MFN1: variants seen among roughly 807,000 people sequenced by gnomAD.
MFN1 encodes mitofusin-1.
MFN1 carries 65 observed loss-of-function variants against 92.4 expected under a neutral mutation model. The observed-to-expected ratio is 0.70, with a 90% CI of 0.58 to 0.86. The LOEUF is 0.86. MFN1 is among the 40% of genes least tolerant of loss of function. The pLI is 0.00. For synonymous variants in MFN1, 297 were observed against 300.9 expected (o/e 0.99, Z 0.13); for missense variants, 781 against 868.0 (o/e 0.90, Z 1.26).
rs1714039472 is a variant in MFN1 at position 179,394,781 on chromosome 3, A to T, written c.*2722A>T. ...CAAGCCCATGAATTATACAGGAATTATGTAATTATGAGTGATGTACTTCAA... is the reference window on the plus strand; with the variant it reads ...CAAGCCCATGAATTATACAGGAATTTTGTAATTATGAGTGATGTACTTCAA... On this transcript the variant is annotated 3_prime_UTR_variant, in exon 18 of 18. Coordinates refer to ENST00000471841, the MANE Select transcript of MFN1 (RefSeq NM_033540.3). 1 of 152,238 alleles carries T rather than the reference A, an allele frequency of 6.6e-6. No homozygotes were observed. The highest frequency in any genetic ancestry group is 1.5e-5 in the Non-Finnish European group (1 of 68,048). 9.4% of individuals were successfully genotyped at this position (152,238 alleles called of 1,614,324 possible). A position where few individuals can be genotyped will look rare whatever the true frequency, so the allele number is the denominator to read the frequency against.
chr3:179,388,178 C>T (rs551409390), intron 16 of MFN1, among the ~76,000 whole-genome samples: 5 of 152,212 alleles, frequency 3.3e-5, no homozygotes, highest in South Asian at 2.1e-4. Flanking sequence ...CGTGAGCCAC[C>T]GCGCCCAGCC....
At chr3:179,357,886 A>C (rs1712405022) in intron 3 of MFN1, among the ~76,000 whole-genome samples, 1 of 152,186 alleles carries the variant, frequency 6.6e-6, no homozygotes, top group African/African-American at 2.4e-5. Context: ...GGGGTGGCTC[A>C]ACAACTGATG....
intron 14 of MFN1, among the ~76,000 whole-genome samples, chr3:179,380,141 G>T (rs1417611934): frequency 1.3e-5 from 2 of 152,180 alleles, no homozygotes; most frequent in Non-Finnish European, 2.9e-5. Context: ...AAGGTTTGTG[G>T]TGTTAAAGCA....
intron 17 of MFN1, among the ~76,000 whole-genome samples, chr3:179,391,503 A>G (rs1175889575): frequency 1.3e-5 from 2 of 152,182 alleles, no homozygotes; most frequent in Admixed American, 1.3e-4. Context: ...GTATACTTGT[A>G]TGACCTGAAG....
At chr3:179,367,384 G>T in intron 7 of MFN1, 55 bp from the exon 8 acceptor site, 1 of 1,480,524 alleles carries the variant, frequency 6.8e-7, no homozygotes. Context: ...TATAGTCGTT[G>T]GTTATTATAT....
Position 179,351,986 on chromosome 3 carries a change from A to G in MFN1, c.199A>G (p.Ile67Val). The change falls in exon 3 of 18, where the codon ATT becomes GTT. Residue 67 changes from isoleucine (I) to valine (V), a missense_variant. Ile to Val is a conservative substitution (Grantham distance 29, BLOSUM62 3). Transcript: ENST00000471841. Reference sequence around the variant, plus strand: ...AGGATATAAAGACAAGCTTTCCATCATTGGTGAGGTGCTATCTCGGAGACA... The same window carrying G: ...AGGATATAAAGACAAGCTTTCCATCGTTGGTGAGGTGCTATCTCGGAGACA... ...MQGYKDKLSIIGEVLSRRHMK... is the reference protein window; with the variant it reads ...MQGYKDKLSIVGEVLSRRHMK... The G allele has an allele frequency of 3.1e-6, 5 of 1,609,824 alleles. No homozygotes were observed. Among genetic ancestry groups the G allele is most frequent in the Non-Finnish European group, 4.2e-6 (5 of 1,176,890 alleles).
At chr3:179,359,419 C>CTTT (rs769518082) in intron 4 of MFN1, among the ~76,000 whole-genome samples, 7 of 124,792 alleles carry the variant, frequency 5.6e-5, no homozygotes, top group African/African-American at 9.9e-5. Context: ...TGCACCCGGC[C>CTTT]TTTTTTTTTT....
At chr3:179,354,665 C>A (rs561019746) in intron 3 of MFN1, among the ~76,000 whole-genome samples, 1 of 152,174 alleles carries the variant, frequency 6.6e-6, no homozygotes, top group East Asian at 1.9e-4. Flanking sequence ...CAGATCAGTC[C>A]CGAGAACTGC....
intron 4 of MFN1, chr3:179,360,001 C>T (rs1219936759): frequency 1.3e-5 from 2 of 151,748 alleles, no homozygotes; most frequent in African/African-American, 4.8e-5. Context: ...TAGCAACCTC[C>T]ACCTCCTGGG....
chr3:179,361,271 C>T (rs1712564963), intron 4 of MFN1, among the ~76,000 whole-genome samples: 1 of 152,198 alleles, frequency 6.6e-6, no homozygotes, highest in Non-Finnish European at 1.5e-5. Flanking sequence ...CTCTCATTTT[C>T]CTGATCCATG....
intron 3 of MFN1, among the ~76,000 whole-genome samples, chr3:179,356,636 T>A (rs904481345): frequency 2.6e-5 from 4 of 152,162 alleles, no homozygotes; most frequent in African/African-American, 9.7e-5. Context: ...ATTTCCACAG[T>A]TGTTTTTTTT....
intron 9 of MFN1, among the ~76,000 whole-genome samples, chr3:179,368,884 C>T (rs1271793773): frequency 6.6e-6 from 1 of 152,134 alleles, no homozygotes; most frequent in Non-Finnish European, 1.5e-5. Context: ...TGTAATTATT[C>T]TTATAAGTAG....
intron 14 of MFN1, among the ~76,000 whole-genome samples, chr3:179,385,213 G>A (rs960042628): frequency 1.8e-4 from 17 of 96,496 alleles, no homozygotes; most frequent in African/African-American, 7.3e-4. Context: ...GCGCCCGGCC[G>A]AAGTCCTTTT....
chr3:179,386,276 G>A (rs1713680547), intron 15 of MFN1, among the ~76,000 whole-genome samples, 157 bp from the exon 16 acceptor site: 1 of 152,076 alleles, frequency 6.6e-6, no homozygotes, highest in South Asian at 2.1e-4. Flanking sequence ...AAGCCTGATT[G>A]ATTTCTGGTA....
At position 179,392,259 on chromosome 3, in the gene MFN1, G is replaced by A; in HGVS notation, c.*200G>A. On this transcript the variant is annotated 3_prime_UTR_variant, in exon 18 of 18. Transcript: ENST00000471841. ...GTGTTATGTCCTTAGTTTTAATTTT[G>A]AGTAAAGAAAAGGCTAAAATCATGA... 2.5e-6 allele frequency: 1 copy of A among 396,852 alleles called. No homozygotes were observed. The highest frequency in any genetic ancestry group is 3.8e-5 in the East Asian group (1 of 26,162). 24.6% of individuals were successfully genotyped at this position (396,852 alleles called of 1,614,324 possible). A position where few individuals can be genotyped will look rare whatever the true frequency, so the allele number is the denominator to read the frequency against.
rs142717974 is a variant in MFN1, at chr3:179,393,505, C to CT, written c.*1447dup. 2.1e-3 allele frequency: 315 copies of CT among 152,184 alleles called. 3 individuals carry two copies. The highest frequency in any genetic ancestry group is 7.0e-3 in the African/African-American group (289 of 41,516). 9.4% of individuals were successfully genotyped at this position (152,184 alleles called of 1,614,324 possible). A position where few individuals can be genotyped will look rare whatever the true frequency, so the allele number is the denominator to read the frequency against. ...CAGCCTTTTTACAGCAGGTGCAACT[C>CT]TATTTTTCAAGGTATCTTAGAAGAT... On this transcript the variant is annotated 3_prime_UTR_variant, in exon 18 of 18. Coordinates refer to ENST00000471841, the MANE Select transcript of MFN1 (RefSeq NM_033540.3).
Position 179,372,691 on chromosome 3 carries a change from C to T in MFN1, c.976-2529C>T, listed in dbSNP as rs931753860. On this transcript the variant is annotated intron_variant, in intron 9 of 17. Coordinates refer to ENST00000471841, the MANE Select transcript of MFN1 (RefSeq NM_033540.3). ...GACAGTAACTTATATTGCCTAATAA[C>T]TTTTGGAGATCTTTTCTGTCTCGTC... is the stretch of plus-strand genomic sequence containing the variant. 2.0e-5 allele frequency among the ~76,000 whole-genome samples: 3 copies of T among 152,078 alleles called. No individual in the cohort carries two copies. The East Asian group carries it at 5.8e-4, about 29-fold the overall frequency.
At chr3:179,382,887 T>C (rs1400918839) in intron 14 of MFN1, among the ~76,000 whole-genome samples, 1 of 152,240 alleles carries the variant, frequency 6.6e-6, no homozygotes, top group Non-Finnish European at 1.5e-5. Flanking sequence ...GAAGTGTCTG[T>C]TCATATCCTT....
At chr3:179,367,386 T>A (rs1345470242) in intron 7 of MFN1, 53 bp from the exon 8 acceptor site, 12 of 1,500,964 alleles carry the variant, frequency 8.0e-6, no homozygotes, top group Non-Finnish European at 9.9e-6. Context: ...TAGTCGTTGG[T>A]TATTATATTT....
Sources: gnomAD v4.1 joint callset for allele counts (sites outside exome capture counted in the v4.1 genomes callset) on GRCh38, gnomAD v4.1.1 for gene constraint, MANE v1.5 for transcripts, NCBI Gene and HGNC (gene_info 2026-07-23, HGNC 2026-07-21) for gene names.